NAA25: variants seen among roughly 807,000 people sequenced by gnomAD.
NAA25 encodes the protein N-terminal acetyltransferase B complex subunit NAA25.
NAA25 carries 30 observed loss-of-function variants against 132.5 expected under a neutral mutation model. That is an observed-to-expected ratio of 0.23 (90% CI 0.17 to 0.31). NAA25 has a LOEUF of 0.31. Among genes scored for constraint, NAA25 ranks in the 10% least tolerant of loss-of-function variants. The pLI is 1.00. For missense variants in NAA25, 771 were observed against 1,150.4 expected (o/e 0.67, Z 4.77); for synonymous variants, 359 against 401.9 (o/e 0.89, Z 1.28).
intron 4 of NAA25, among the ~76,000 whole-genome samples, chr12:112,082,244 T>G (rs1593813206): frequency 6.6e-6 from 1 of 151,204 alleles, no homozygotes; most frequent in Middle Eastern, 3.4e-3. Context: ...TAAGACTTTG[T>G]CTCCAAAAAA....
chr12:112,089,390 T>C (rs566723130), intron 3 of NAA25, among the ~76,000 whole-genome samples: 12 of 152,302 alleles, frequency 7.9e-5, no homozygotes, highest in Admixed American at 2.6e-4. Flanking sequence ...AAGTTGACAT[T>C]ATCTTGCTTT....
intron 3 of NAA25, among the ~76,000 whole-genome samples, chr12:112,089,253 G>T (rs2079097473): frequency 6.6e-6 from 1 of 152,136 alleles, no homozygotes; most frequent in Non-Finnish European, 1.5e-5. Flanking sequence ...TGGCAAAAAT[G>T]ATTAAGGTTA....
intron 1 of NAA25, among the ~76,000 whole-genome samples, chr12:112,106,391 T>TA (rs61309313): frequency 0.097 from 14,214 of 146,038 alleles, 715 homozygotes; most frequent in East Asian, 0.23. Context: ...GTTTTTAGTT[T>TA]AAAAAAAAAA....
intron 11 of NAA25, among the ~76,000 whole-genome samples, chr12:112,066,822 T>C (rs1395297141): frequency 2.0e-5 from 3 of 152,218 alleles, no homozygotes; most frequent in African/African-American, 7.2e-5. Flanking sequence ...TGCCCAAATG[T>C]GTAACCCCAA....
At chr12:112,091,203 C>T (rs2079123853) in intron 2 of NAA25, among the ~76,000 whole-genome samples, 1 of 150,592 alleles carries the variant, frequency 6.6e-6, no homozygotes, top group South Asian at 2.1e-4. Flanking sequence ...TTGATCACGT[C>T]ACAGCACTCC....
intron 16 of NAA25, 21 bp downstream of exon 16, chr12:112,048,271 T>C (rs758249474): frequency 5.0e-6 from 8 of 1,605,674 alleles, no homozygotes; most frequent in African/African-American, 1.3e-5. Context: ...AGTTCCTTTA[T>C]AGCTCTCATG....
At chr12:112,047,855 G>A in intron 16 of NAA25, 65 bp from the exon 17 acceptor site, 2 of 1,465,904 alleles carry the variant, frequency 1.4e-6, no homozygotes, top group Non-Finnish European at 1.9e-6. Context: ...TTATTAATCA[G>A]GACTTCCTGT....
At position 112,033,403 on chromosome 12, in the gene NAA25, T is replaced by G. The variant is rs375596946; in HGVS notation, c.2650-24A>C. ...GGCTGGGAAAAAGATTAAAAAAGAGTTGAAACATTATCAAACATATTACCC... is the reference window on the plus strand; with the variant it reads ...GGCTGGGAAAAAGATTAAAAAAGAGGTGAAACATTATCAAACATATTACCC... On this transcript the variant is annotated intron_variant, in intron 22 of 23. Coordinates refer to ENST00000261745, the MANE Select transcript of NAA25 (RefSeq NM_024953.4). The G allele has an allele frequency of 8.2e-5, 130 of 1,584,484 alleles. No individual in the cohort carries two copies. In the African/African-American group the frequency reaches 1.7e-3, roughly 20 times the overall value.
rs11356583 is a variant in NAA25 at position 112,035,681 on chromosome 12, C to CT, written c.2650-2303dup. ...AATTTACAACTGAAACATCAACTTT[C>CT]TTTTTTTTTTTTTTTTGAGACAGGG... On this transcript the variant is annotated intron_variant, in intron 22 of 23. Coordinates refer to ENST00000261745, the MANE Select transcript of NAA25 (RefSeq NM_024953.4). Among the ~76,000 whole-genome samples, 552 of 138,296 alleles carry CT rather than the reference C, an allele frequency of 4.0e-3. 1 individual carries two copies. Among genetic ancestry groups the CT allele is most frequent in the African/African-American group, 8.7e-3 (320 of 36,722 alleles). 90.7% of individuals were successfully genotyped at this position (138,296 alleles called of 152,430 possible). A position where few individuals can be genotyped will look rare whatever the true frequency, so the allele number is the denominator to read the frequency against.
intron 10 of NAA25, among the ~76,000 whole-genome samples, chr12:112,071,343 T>C (rs1405671311): frequency 4.6e-5 from 7 of 151,692 alleles, no homozygotes; most frequent in Admixed American, 4.6e-4. Context: ...TTTTTTAAAT[T>C]AAATTTTTGA....
intron 23 of NAA25, among the ~76,000 whole-genome samples, chr12:112,032,599 G>GTCC (rs2078164569): frequency 6.6e-6 from 1 of 152,160 alleles, no homozygotes; most frequent in South Asian, 2.1e-4. Context: ...CTCCACCACT[G>GTCC]TCCTTCTTGC....
rs191178699 is a variant in NAA25 at position 112,096,126 on chromosome 12, C to T, written c.59-2990G>A. Among the ~76,000 whole-genome samples, 222 of 152,272 alleles carry T rather than the reference C, an allele frequency of 1.5e-3. 1 individual carries two copies. The highest frequency in any genetic ancestry group is 4.1e-3 in the South Asian group (20 of 4,826). On this transcript the variant is annotated intron_variant, in intron 1 of 23. Transcript: ENST00000261745. Reference sequence around the variant, plus strand: ...ACTCATTTTTCTGTAAACCATAAAGCAGTTTTATGCTCTAAAAACAGTCTA... The same window carrying T: ...ACTCATTTTTCTGTAAACCATAAAGTAGTTTTATGCTCTAAAAACAGTCTA...
At chr12:112,062,921 A>G (rs1162415416) in intron 11 of NAA25, among the ~76,000 whole-genome samples, 1 of 151,606 alleles carries the variant, frequency 6.6e-6, no homozygotes, top group Non-Finnish European at 1.5e-5. Context: ...ATAGCCAGGC[A>G]TGGTAGTGCA....
intron 5 of NAA25, among the ~76,000 whole-genome samples, chr12:112,080,765 C>T (rs2078962786): frequency 6.6e-6 from 1 of 152,092 alleles, no homozygotes; most frequent in East Asian, 1.9e-4. Context: ...TCCCAAAGTG[C>T]TGGGATTACA....
intron 2 of NAA25, among the ~76,000 whole-genome samples, chr12:112,092,013 G>A (rs1593829815): frequency 6.6e-6 from 1 of 152,224 alleles, no homozygotes; most frequent in Non-Finnish European, 1.5e-5. Flanking sequence ...GGCCAAGGCA[G>A]GCGGATCAGG....
At chr12:112,065,131 C>A (rs2078696691) in intron 11 of NAA25, among the ~76,000 whole-genome samples, 1 of 152,162 alleles carries the variant, frequency 6.6e-6, no homozygotes, top group African/African-American at 2.4e-5. Context: ...GAGGCCAAGG[C>A]AGGTGGATCA....
intron 1 of NAA25, among the ~76,000 whole-genome samples, chr12:112,104,873 G>A (rs2079340091): frequency 6.6e-6 from 1 of 151,510 alleles, no homozygotes; most frequent in African/African-American, 2.4e-5. Context: ...ACAAAAATTA[G>A]CCGGGCATGG....
chr12:112,059,336 C>T (rs2078592712), intron 13 of NAA25, among the ~76,000 whole-genome samples: 1 of 152,026 alleles, frequency 6.6e-6, no homozygotes, highest in South Asian at 2.1e-4. Flanking sequence ...GTTTATCTTG[C>T]TTACCACTGT....
chr12:112,045,941 G>T (rs551352793), intron 17 of NAA25, among the ~76,000 whole-genome samples: 1 of 152,218 alleles, frequency 6.6e-6, no homozygotes, highest in Admixed American at 6.5e-5. Flanking sequence ...ATTGGTTACA[G>T]TAATTACATT....
Sources: gnomAD v4.1 joint callset for allele counts (sites outside exome capture counted in the v4.1 genomes callset) on GRCh38, gnomAD v4.1.1 for gene constraint, MANE v1.5 for transcripts, NCBI Gene and HGNC (gene_info 2026-07-23, HGNC 2026-07-21) for gene names.